The following TTC27 variants were observed in gnomAD, a reference collection of about 807,000 sequenced individuals.
TTC27 encodes the protein tetratricopeptide repeat domain 27.
Under a neutral mutation model 115.9 loss-of-function variants are expected in TTC27, and 79 were observed. The observed-to-expected ratio is 0.68, with a 90% CI of 0.57 to 0.82. TTC27 has a LOEUF of 0.82. Ranked by LOEUF, TTC27 falls within the 40% of genes least tolerant of loss-of-function variation. The pLI, the probability that TTC27 is intolerant of heterozygous loss-of-function variation, is 0.00. For synonymous variants in TTC27, 401 were observed against 356.0 expected, an observed-to-expected ratio of 1.13 and a Z score of -1.42; for missense variants, 1,054 against 993.1, an observed-to-expected ratio of 1.06 and a Z score of -0.82.
At position 32,708,304 on chromosome 2, in the gene TTC27, G is replaced by GTTTTTTTTTTTTT. The variant is rs1158508588; in HGVS notation, c.1233+5394_1233+5406dup. 5.1e-4 allele frequency among the ~76,000 whole-genome samples: 31 copies of GTTTTTTTTTTTTT among 61,356 alleles called. 5 individuals carry two copies. The highest frequency in any genetic ancestry group is 1.0e-3 in the African/African-American group (16 of 15,358). 40.3% of individuals were successfully genotyped at this position (61,356 alleles called of 152,430 possible). A position where few individuals can be genotyped will look rare whatever the true frequency, so the allele number is the denominator to read the frequency against. Reference sequence around the variant, plus strand: ...AATAGCGTTTTCTTTTCTCTACCTTGTTTTTTTTTTTTTTTTTTTTTTAAT... The same window carrying GTTTTTTTTTTTTT: ...AATAGCGTTTTCTTTTCTCTACCTTGTTTTTTTTTTTTTTTTTTTTTTTTTTTTTTTTTTTAAT... On this transcript the variant is annotated intron_variant, in intron 10 of 19. Transcript: ENST00000317907.
At chr2:32,650,259 T>C (rs372603191) in intron 5 of TTC27, 26 bp downstream of exon 5, 3 of 1,576,884 alleles carry the variant, frequency 1.9e-6, no homozygotes, top group African/African-American at 1.3e-5. Flanking sequence ...TTGTTTGATA[T>C]GGGCATGTAG....
chr2:32,706,425 T>A, intron 10 of TTC27, among the ~76,000 whole-genome samples: 1 of 151,806 alleles, frequency 6.6e-6, no homozygotes, highest in East Asian at 1.9e-4. Flanking sequence ...TTTTAGCCCA[T>A]TTGAATAAGT....
chr2:32,776,654 G>T (rs925281552), intron 13 of TTC27, among the ~76,000 whole-genome samples: 3 of 152,226 alleles, frequency 2.0e-5, no homozygotes, highest in South Asian at 2.1e-4. Flanking sequence ...TGTTGCCCAG[G>T]CTGGAGTGCA....
At chr2:32,684,298 C>T (rs1235960496) in intron 9 of TTC27, among the ~76,000 whole-genome samples, 1 of 151,978 alleles carries the variant, frequency 6.6e-6, no homozygotes, top group East Asian at 1.9e-4. Flanking sequence ...TGTATATGTG[C>T]CACATTTTCT....
Position 32,723,585 on chromosome 2 carries a change from C to T in TTC27, c.1234-10243C>T, listed in dbSNP as rs996856310. On this transcript the variant is annotated intron_variant, in intron 10 of 19. Transcript: ENST00000317907. ...GGAACCTTTAAGGTGTTATTGAGGGCCAACTCTCTGGGGCCAATTGAAATT... is the reference window on the plus strand; with the variant it reads ...GGAACCTTTAAGGTGTTATTGAGGGTCAACTCTCTGGGGCCAATTGAAATT... Among the ~76,000 whole-genome samples, 8 of 152,106 alleles carry T rather than the reference C, an allele frequency of 5.3e-5. No homozygotes were observed. In the East Asian group the frequency reaches 1.2e-3, roughly 22 times the overall value.
chr2:32,651,474 G>C (rs1333465740), intron 5 of TTC27, among the ~76,000 whole-genome samples: 1 of 152,176 alleles, frequency 6.6e-6, no homozygotes, highest in African/African-American at 2.4e-5. Flanking sequence ...AGCCTCCTGA[G>C]TAGCTGGGAT....
At chr2:32,630,970 C>T (rs554945829) in intron 2 of TTC27, among the ~76,000 whole-genome samples, 15 of 151,976 alleles carry the variant, frequency 9.9e-5, no homozygotes, top group African/African-American at 3.4e-4. Context: ...TCGGCTTTAC[C>T]CACCGGCAAA....
chr2:32,666,526 T>G, intron 6 of TTC27, 109 bp from the exon 7 acceptor site: 1 of 1,170,760 alleles, frequency 8.5e-7, no homozygotes, highest in Non-Finnish European at 1.1e-6. Flanking sequence ...TTATGTGAAA[T>G]GGAGAAAATA....
chr2:32,799,796 T>C (rs1482720126), intron 16 of TTC27, among the ~76,000 whole-genome samples: 2 of 152,232 alleles, frequency 1.3e-5, no homozygotes, highest in African/African-American at 2.4e-5. Context: ...GTAATAATGA[T>C]GGCATTTTAA....
At chr2:32,798,123 T>C (rs983955351) in intron 16 of TTC27, among the ~76,000 whole-genome samples, 5 of 138,988 alleles carry the variant, frequency 3.6e-5, no homozygotes, top group Admixed American at 2.1e-4. Context: ...AAATAGAAAA[T>C]AGGCCAGGCG....
intron 16 of TTC27, among the ~76,000 whole-genome samples, chr2:32,800,591 G>T (rs764434002): frequency 6.6e-6 from 1 of 151,874 alleles, no homozygotes; most frequent in Non-Finnish European, 1.5e-5. Context: ...TTCGCCACCT[G>T]GGTTCAAGCA....
intron 13 of TTC27, among the ~76,000 whole-genome samples, chr2:32,762,520 G>A (rs1196294136): frequency 6.6e-6 from 1 of 152,156 alleles, no homozygotes; most frequent in Non-Finnish European, 1.5e-5. Context: ...ATGAAGGAAT[G>A]TGGTGTGTAA....
chr2:32,749,193 A>T (rs1248090151), intron 12 of TTC27, among the ~76,000 whole-genome samples: 1 of 152,184 alleles, frequency 6.6e-6, no homozygotes, highest in Non-Finnish European at 1.5e-5. Flanking sequence ...TTAATCAGTC[A>T]TTTCTAGTTG....
At chr2:32,767,368 T>A (rs1174263769) in intron 13 of TTC27, among the ~76,000 whole-genome samples, 11 of 152,060 alleles carry the variant, frequency 7.2e-5, no homozygotes, top group Non-Finnish European at 1.5e-4. Context: ...TTGATATATT[T>A]TGTCTTGTTA....
intron 9 of TTC27, among the ~76,000 whole-genome samples, chr2:32,691,775 C>T (rs964010726): frequency 6.6e-6 from 1 of 151,706 alleles, no homozygotes; most frequent in Non-Finnish European, 1.5e-5. Flanking sequence ...ATTAAAAGTA[C>T]ATGAAAGATT....
chr2:32,711,017 T>A (rs534738745), intron 10 of TTC27, among the ~76,000 whole-genome samples: 1 of 147,228 alleles, frequency 6.8e-6, no homozygotes, highest in African/African-American at 2.5e-5. Flanking sequence ...CTCGAGAGGC[T>A]GAGGCAGAAG....
intron 16 of TTC27, among the ~76,000 whole-genome samples, chr2:32,797,032 G>A (rs1389190484): frequency 6.6e-6 from 1 of 151,820 alleles, no homozygotes; most frequent in Non-Finnish European, 1.5e-5. Context: ...AAATTAGCTG[G>A]GCATGGTGGT....
At chr2:32,666,834 A>G in intron 7 of TTC27, 66 bp downstream of exon 7, 2 of 1,537,822 alleles carry the variant, frequency 1.3e-6, no homozygotes, top group Non-Finnish European at 1.8e-6. Flanking sequence ...ATAGCTGAGT[A>G]CCATAGAAAC....
At chr2:32,689,735 TGA>T (rs1666751314) in intron 9 of TTC27, among the ~76,000 whole-genome samples, 1 of 152,250 alleles carries the variant, frequency 6.6e-6, no homozygotes, top group South Asian at 2.1e-4. Context: ...CTTTTGTGAT[TGA>T]GAGTCAACAG....
Sources: allele counts gnomAD v4.1 joint callset (sites outside exome capture counted in the v4.1 genomes callset), GRCh38; gene constraint gnomAD v4.1.1; transcripts MANE v1.5; gene names NCBI Gene and HGNC (gene_info 2026-07-23, HGNC 2026-07-21).